The following MRTFA variants were observed in gnomAD, a reference collection of about 807,000 sequenced individuals.
MRTFA encodes the protein myocardin-related transcription factor A.
MRTFA carries 20 observed loss-of-function variants against 83.5 expected under a neutral mutation model. That is an observed-to-expected ratio of 0.24 (90% confidence interval 0.17 to 0.35). The LOEUF (loss-of-function observed/expected upper bound fraction) is 0.35, where lower values mean the gene tolerates loss of function less well. MRTFA is among the 10% of genes least tolerant of loss of function. The pLI, the probability that MRTFA is intolerant of heterozygous loss-of-function variation, is 1.00. For synonymous variants in MRTFA, 659 were observed against 541.2 expected (o/e 1.22, Z -3.02); for missense variants, 1,200 against 1,224.7 (o/e 0.98, Z 0.30).
At chr22:40,476,143 C>CA (rs35917164) in intron 3 of MRTFA, among the ~76,000 whole-genome samples, 9,741 of 87,878 alleles carry the variant, frequency 0.11, 529 homozygotes, top group East Asian at 0.32. Flanking sequence ...GACTCCGTCT[C>CA]AAAAAAAAAA....
At chr22:40,501,809 A>AC (rs1243446859) in intron 3 of MRTFA, among the ~76,000 whole-genome samples, 3 of 54,726 alleles carry the variant, frequency 5.5e-5, no homozygotes, top group South Asian at 9.7e-4. Context: ...TGGAGGGCTG[A>AC]CCCCCCCACC....
Position 40,455,514 on chromosome 22 carries a change from C to T in MRTFA, c.307+7707G>A, listed in dbSNP as rs1418955935. Among the ~76,000 whole-genome samples, 9 of 151,960 alleles carry T rather than the reference C, an allele frequency of 5.9e-5. No individual in the cohort carries two copies. The East Asian group carries it at 1.4e-3, about 23-fold the overall frequency. On this transcript the variant is annotated intron_variant, in intron 4 of 14. Transcript: ENST00000355630. Reference sequence around the variant, plus strand: ...ACAAAAAACTTGCCAGGCATGGTGGCGGGTGCCCGTAGTCCCAGCTACTCA... The same window carrying T: ...ACAAAAAACTTGCCAGGCATGGTGGTGGGTGCCCGTAGTCCCAGCTACTCA...
In MRTFA at chr22:40,411,505, G is replaced by C; in HGVS notation, c.2981C>G (p.Ser994Trp). The C allele has an allele frequency of 6.2e-7, 1 of 1,611,478 alleles. No individual in the cohort carries two copies. The highest frequency in any genetic ancestry group is 8.5e-7 in the Non-Finnish European group (1 of 1,178,130). The change falls in exon 15 of 15, where the codon TCG becomes TGG. Residue 994 changes from serine (S) to tryptophan (W), a missense_variant. Ser to Trp is a radical substitution (Grantham distance 177). This residue lies in a region of MRTFA where 1,107 missense variants were observed against 1,041.8 expected (regional missense o/e 1.06). Coordinates refer to ENST00000355630, the MANE Select transcript of MRTFA (RefSeq NM_020831.6). ...TAGGCTCAGCACGGGACCACCTGAC[G>C]ACAGCTCCAGCCAGTCCATGCTGTC...
intron 2 of MRTFA, among the ~76,000 whole-genome samples, chr22:40,572,727 G>A (rs377253079): frequency 5.9e-5 from 9 of 152,288 alleles, no homozygotes; most frequent in South Asian, 2.1e-4. Flanking sequence ...GAAGCAAGTC[G>A]CGTCTTACAT....
chr22:40,581,362 T>C (rs951816025), intron 2 of MRTFA, among the ~76,000 whole-genome samples: 1 of 152,236 alleles, frequency 6.6e-6, no homozygotes, highest in African/African-American at 2.4e-5. Flanking sequence ...ACAAGATGTA[T>C]ATTTTGTACT....
chr22:40,417,257 TC>T, intron 13 of MRTFA, 83 bp downstream of exon 13: 5 of 1,535,248 alleles, frequency 3.3e-6, no homozygotes, highest in Non-Finnish European at 4.4e-6. Context: ...TGCCCCCTAT[TC>T]CTCCGGGTGG....
chr22:40,586,431 C>T (rs1163163499), intron 2 of MRTFA, among the ~76,000 whole-genome samples: 1 of 152,168 alleles, frequency 6.6e-6, no homozygotes, highest in African/African-American at 2.4e-5. Context: ...AGCCATTCAA[C>T]TACTCTTAAT....
intron 3 of MRTFA, among the ~76,000 whole-genome samples, chr22:40,532,293 A>G: frequency 6.6e-6 from 1 of 152,258 alleles, no homozygotes; most frequent in East Asian, 1.9e-4. Flanking sequence ...GATTTTAAAA[A>G]GGGAGAGAGT....
intron 3 of MRTFA, among the ~76,000 whole-genome samples, chr22:40,493,210 C>T (rs1208955178): frequency 1.3e-5 from 2 of 152,192 alleles, no homozygotes; most frequent in Non-Finnish European, 2.9e-5. Flanking sequence ...ATGACACTGG[C>T]ATTTCCACCT....
intron 2 of MRTFA, among the ~76,000 whole-genome samples, chr22:40,590,532 T>C (rs1043649365): frequency 1.3e-5 from 2 of 151,642 alleles, no homozygotes; most frequent in Non-Finnish European, 2.9e-5. Context: ...TCGGGCATAG[T>C]GGCACACACC....
chr22:40,418,062 C>T (rs1298874023), intron 12 of MRTFA, among the ~76,000 whole-genome samples: 1 of 152,118 alleles, frequency 6.6e-6, no homozygotes, highest in African/African-American at 2.4e-5. Flanking sequence ...GGCCACTCCC[C>T]ACAGAGCAGC....
At chr22:40,512,058 T>C (rs1353470078) in intron 3 of MRTFA, among the ~76,000 whole-genome samples, 3 of 152,144 alleles carry the variant, frequency 2.0e-5, no homozygotes, top group African/African-American at 7.2e-5. Context: ...GCCCACTATA[T>C]AGGGTGACTA....
At chr22:40,486,225 G>A (rs1053985410) in intron 3 of MRTFA, among the ~76,000 whole-genome samples, 13 of 152,088 alleles carry the variant, frequency 8.5e-5, no homozygotes, top group African/African-American at 2.4e-4. Flanking sequence ...CCACCAAGGC[G>A]TTTTCTTTAT....
chr22:40,525,057 G>A (rs1053880569), intron 3 of MRTFA, among the ~76,000 whole-genome samples: 6 of 151,994 alleles, frequency 3.9e-5, no homozygotes, highest in Non-Finnish European at 7.4e-5. Flanking sequence ...TGATCCGCCC[G>A]CCCCAGCCTC....
chr22:40,445,323 T>C (rs1297087805), intron 4 of MRTFA, among the ~76,000 whole-genome samples: 3 of 152,200 alleles, frequency 2.0e-5, no homozygotes, highest in Admixed American at 1.3e-4. Flanking sequence ...ACTTGAAAGT[T>C]GCAGATATCA....
intron 3 of MRTFA, among the ~76,000 whole-genome samples, chr22:40,516,491 A>T (rs1263849129): frequency 1.3e-5 from 2 of 151,814 alleles, no homozygotes; most frequent in Non-Finnish European, 2.9e-5. Context: ...TCAGAAGAGA[A>T]GGAAGAGAAT....
chr22:40,432,649 T>C (rs374908318), intron 5 of MRTFA, among the ~76,000 whole-genome samples: 1 of 148,114 alleles, frequency 6.8e-6, no homozygotes, highest in Non-Finnish European at 1.5e-5. Context: ...GGACATTATA[T>C]ATAGTAAAGG....
Position 40,418,496 on chromosome 22 carries a change from T to C in MRTFA, c.2242A>G (p.Ser748Gly), listed in dbSNP as rs878756. The C allele has an allele frequency of 0.41, 655,654 of 1,607,588 alleles. 145,842 individuals carry two copies. The highest frequency in any genetic ancestry group is 0.88 in the African/African-American group (65,645 of 74,804). ...GGAGGTGCAACCCCCTTGATGAGGC[T>C]GGGGCCCTGAGGCCCCAGAAGCAAC... Residue 748 changes from serine (S) to glycine (G), a missense_variant, in exon 12 of 15, where the codon AGC (serine) becomes GGC (glycine). This residue lies in a region of MRTFA where 1,107 missense variants were observed against 1,041.8 expected (regional missense o/e 1.06). Coordinates refer to ENST00000355630, the MANE Select transcript of MRTFA (RefSeq NM_020831.6).
chr22:40,540,880 T>G (rs1417156566), intron 3 of MRTFA, among the ~76,000 whole-genome samples: 1 of 151,914 alleles, frequency 6.6e-6, no homozygotes, highest in Non-Finnish European at 1.5e-5. Flanking sequence ...CATAAATGTG[T>G]GCCAAGTGGA....
Sources: gnomAD v4.1 joint callset for allele counts (sites outside exome capture counted in the v4.1 genomes callset) on GRCh38, gnomAD v4.1.1 for gene constraint, gnomAD v4.1.1 regional missense constraint, MANE v1.5 for transcripts, NCBI Gene and HGNC (gene_info 2026-07-23, HGNC 2026-07-21) for gene names.